Variants in MYEF2 observed in about 807,000 individuals in gnomAD.
MYEF2 encodes myelin gene expression factor 2.
A neutral mutation model predicts 75.2 loss-of-function variants in MYEF2; 37 were observed. The ratio of observed to expected loss-of-function variants is 0.49; its 90% CI spans 0.38 to 0.65. MYEF2 has a LOEUF of 0.65. Ranked by LOEUF, MYEF2 falls within the 30% of genes least tolerant of loss-of-function variation. The probability of loss-of-function intolerance (pLI) is 0.00; values close to 1 mark genes in which losing one functional copy is unlikely to be tolerated. For missense variants in MYEF2, 634 were observed against 771.4 expected, an observed-to-expected ratio of 0.82 and a Z score of 2.11; for synonymous variants, 195 against 241.6, an observed-to-expected ratio of 0.81 and a Z score of 1.79.
intron 16 of MYEF2, among the ~76,000 whole-genome samples, chr15:48,145,595 T>C (rs547265571): frequency 2.0e-5 from 3 of 151,892 alleles, no homozygotes; most frequent in Admixed American, 6.6e-5. Context: ...AAGAAACCTT[T>C]CTGTTTTATT....
In MYEF2 at chr15:48,169,408, T is replaced by C. The variant is rs550943151; in HGVS notation, c.162-569A>G. 2.6e-5 allele frequency among the ~76,000 whole-genome samples: 4 copies of C among 152,326 alleles called. No individual in the cohort carries two copies. The South Asian group carries it at 8.3e-4, about 32-fold the overall frequency. On this transcript the variant is annotated intron_variant, in intron 1 of 16. Coordinates refer to ENST00000324324, the MANE Select transcript of MYEF2 (RefSeq NM_016132.5). ...TACTCACATTAAGACTCTCAAACTT[T>C]CTTCTATTCCCAATTTTGATCAACA...
intron 5 of MYEF2, among the ~76,000 whole-genome samples, chr15:48,163,119 A>G (rs944279315): frequency 6.6e-6 from 1 of 152,244 alleles, no homozygotes; most frequent in Non-Finnish European, 1.5e-5. Flanking sequence ...CAGTGAACGC[A>G]CGAATGATGA....
intron 5 of MYEF2, among the ~76,000 whole-genome samples, chr15:48,160,471 A>G (rs919798580): frequency 8.4e-6 from 1 of 119,212 alleles, no homozygotes; most frequent in Non-Finnish European, 1.7e-5. Flanking sequence ...CCCTACCTTT[A>G]AACAAAACCA....
chr15:48,167,436 A>G, intron 2 of MYEF2, 35 bp from the exon 3 acceptor site: 1 of 1,599,514 alleles, frequency 6.3e-7, no homozygotes, highest in Non-Finnish European at 8.6e-7. Flanking sequence ...ATACCAAGAA[A>G]CAATACATTT....
intron 6 of MYEF2, 97 bp from the exon 7 acceptor site, chr15:48,159,019 A>G (rs1160530074): frequency 1.9e-6 from 2 of 1,039,138 alleles, no homozygotes; most frequent in Non-Finnish European, 2.8e-6. Flanking sequence ...ACCATAAAGA[A>G]CCATAATTCT....
intron 1 of MYEF2, among the ~76,000 whole-genome samples, chr15:48,171,985 A>G (rs1229952028): frequency 6.6e-6 from 1 of 152,234 alleles, no homozygotes; most frequent in Non-Finnish European, 1.5e-5. Context: ...AAAAGAAGAA[A>G]CATAGTTTTA....
chr15:48,142,212 C>T lies in MYEF2; in HGVS notation c.*696G>A. 1 of 1,613,640 alleles carries T rather than the reference C, an allele frequency of 6.2e-7. No individual in the cohort carries two copies. The highest frequency in any genetic ancestry group is 8.5e-7 in the Non-Finnish European group (1 of 1,179,814). On this transcript the variant is annotated 3_prime_UTR_variant, in exon 17 of 17. Coordinates refer to ENST00000324324, the MANE Select transcript of MYEF2 (RefSeq NM_016132.5). ...ATTTCAATTATTTTTCTTTTTTTAGCAGTTCACTTCAATGGCTGGAAACTA... is the reference window on the plus strand; with the variant it reads ...ATTTCAATTATTTTTCTTTTTTTAGTAGTTCACTTCAATGGCTGGAAACTA...
rs771221591 is a variant in MYEF2, at chr15:48,157,993, G to T, written c.985C>A (p.Arg329Ser). ...SHDGKTPQLP[R>S]GLGGIGMGLG... ...GTTTCTCATAATAGCTTTTACTTAC[G>T]TGGTAATTGTGGTGTTTTACCATCA... The change falls in exon 9 of 17, where the codon CGT (arginine) becomes AGT (serine). Residue 329 changes from arginine (R) to serine (S), a missense_variant and splice_region_variant. Arg to Ser is a moderately radical substitution (Grantham distance 110). Coordinates refer to ENST00000324324, the MANE Select transcript of MYEF2 (RefSeq NM_016132.5). The T allele has an allele frequency of 6.2e-7, 1 of 1,612,814 alleles. No homozygotes were observed. Among genetic ancestry groups the T allele is most frequent in the Non-Finnish European group, 8.5e-7 (1 of 1,179,182 alleles).
At chr15:48,161,929 T>C (rs2039956801) in intron 5 of MYEF2, among the ~76,000 whole-genome samples, 1 of 150,658 alleles carries the variant, frequency 6.6e-6, no homozygotes, top group Non-Finnish European at 1.5e-5. Flanking sequence ...ATCATTCTGA[T>C]TATTATAATT....
chr15:48,161,254 T>A (rs754654128), intron 5 of MYEF2, among the ~76,000 whole-genome samples: 1 of 152,122 alleles, frequency 6.6e-6, no homozygotes. Context: ...GTCAGCCTGC[T>A]GGTTACTGAC....
chr15:48,177,932 A>T, intron 1 of MYEF2, 145 bp downstream of exon 1: 2 of 1,126,060 alleles, frequency 1.8e-6, no homozygotes, highest in Non-Finnish European at 2.5e-6. Context: ...GCCCAGCTGC[A>T]CCTGCTCCTC....
intron 3 of MYEF2, 24 bp downstream of exon 3, chr15:48,167,325 C>A: frequency 6.2e-7 from 1 of 1,611,440 alleles, no homozygotes; most frequent in Non-Finnish European, 8.5e-7. Flanking sequence ...AAACCTCAAG[C>A]AGATTATTGC....
rs760081863 is a variant in MYEF2 at position 48,167,405 on chromosome 15, C to T, written c.371-4G>A. 1 of 1,612,654 alleles carries T rather than the reference C, an allele frequency of 6.2e-7. No homozygotes were observed. Among genetic ancestry groups the T allele is most frequent in the Non-Finnish European group, 8.5e-7 (1 of 1,178,868 alleles). ...TCCACGTATGTAACCTCACCAACTA[C>T]ATAAGACATACAAAAGGAAGATACC... On this transcript the variant is annotated splice_region_variant and splice_polypyrimidine_tract_variant and intron_variant, in intron 2 of 16. Transcript: ENST00000324324.
chr15:48,139,218 A>G lies in MYEF2; in HGVS notation c.*3690T>C, dbSNP rs368490892. The G allele has an allele frequency of 2.6e-6, 4 of 1,510,692 alleles. No individual in the cohort carries two copies. The African/African-American group carries it at 5.5e-5, about 21-fold the overall frequency. The allele number at this position is 1,510,692 out of a possible 1,614,324, so 93.6% of individuals were successfully genotyped here. On this transcript the variant is annotated 3_prime_UTR_variant, in exon 17 of 17. Transcript: ENST00000324324. ...AATAGCACAACTTGAAAATATTCAT[A>G]TAAGAACAAATTGCATATGTTCACT...
chr15:48,153,217 GTT>G (rs1439008114), intron 10 of MYEF2: 2 of 151,930 alleles, frequency 1.3e-5, no homozygotes, highest in African/African-American at 2.4e-5. Flanking sequence ...CATGTAATGA[GTT>G]TATCATTTTT....
chr15:48,162,964 TAAAAGA>T (rs1212947363), intron 5 of MYEF2: 12 of 152,074 alleles, frequency 7.9e-5, no homozygotes, highest in Non-Finnish European at 1.5e-5. Context: ...AGTGTTCAAG[TAAAAGA>T]AAGAGTTGCA....
chr15:48,157,901 AG>A, intron 9 of MYEF2, 91 bp downstream of exon 9: 1 of 1,558,372 alleles, frequency 6.4e-7, no homozygotes, highest in Non-Finnish European at 8.7e-7. Flanking sequence ...GTGAGAAACT[AG>A]GATGTAGGCA....
In MYEF2 at chr15:48,153,811, C is replaced by T. The variant is rs1245805101; in HGVS notation, c.1068G>A (p.Met356Ile). 1 of 1,613,232 alleles carries T rather than the reference C, an allele frequency of 6.2e-7. No individual in the cohort carries two copies. Among genetic ancestry groups the T allele is most frequent in the East Asian group, 2.2e-5 (1 of 44,862 alleles). The change falls in exon 10 of 17, where the codon ATG becomes ATA. Residue 356 changes from methionine to isoleucine, a missense_variant. By Grantham distance (10) the Met-to-Ile change is conservative. Transcript: ENST00000324324. Reference protein sequence around the residue: ...SASQLNIGGVMGNLGPGGMGM... With the variant: ...SASQLNIGGVIGNLGPGGMGM... Reference sequence around the variant, plus strand: ...ACTCACCACCTGGACCTAAATTTCCCATTACTCCACCTATGTTCAACTGGC... The same window carrying T: ...ACTCACCACCTGGACCTAAATTTCCTATTACTCCACCTATGTTCAACTGGC...
At position 48,138,896 on chromosome 15, in the gene MYEF2, C is replaced by T; in HGVS notation, c.*4012G>A. The T allele has an allele frequency of 1.8e-6, 2 of 1,123,514 alleles. No homozygotes were observed. The highest frequency in any genetic ancestry group is 3.0e-5 in the South Asian group (2 of 67,288). 69.6% of individuals were successfully genotyped at this position (1,123,514 alleles called of 1,614,324 possible). ...ATACAGCTAATTTATTTCAATATAACTTTCTAAATAGGCATTTCTAACTTA... is the reference window on the plus strand; with the variant it reads ...ATACAGCTAATTTATTTCAATATAATTTTCTAAATAGGCATTTCTAACTTA... On this transcript the variant is annotated 3_prime_UTR_variant, in exon 17 of 17. Coordinates refer to ENST00000324324, the MANE Select transcript of MYEF2 (RefSeq NM_016132.5).
Sources: gnomAD v4.1 joint callset for allele counts (sites outside exome capture counted in the v4.1 genomes callset) on GRCh38, gnomAD v4.1.1 for gene constraint, MANE v1.5 for transcripts, NCBI Gene and HGNC (gene_info 2026-07-23, HGNC 2026-07-21) for gene names.